The following SUPT5H variants were observed in gnomAD, a reference collection of about 807,000 sequenced individuals.
SUPT5H encodes SPT5 homolog, DSIF elongation factor subunit.
In SUPT5H, 24 loss-of-function variants were observed where a neutral mutation model predicts 142.5. That is an observed-to-expected ratio of 0.17 (90% confidence interval 0.12 to 0.24). The LOEUF (loss-of-function observed/expected upper bound fraction) is 0.24, where lower values mean the gene tolerates loss of function less well. Among genes scored for constraint, SUPT5H ranks in the 10% least tolerant of loss-of-function variants. The pLI, the probability that SUPT5H is intolerant of heterozygous loss-of-function variation, is 1.00. For synonymous variants in SUPT5H, 546 were observed against 553.0 expected, an observed-to-expected ratio of 0.99 and a Z score of 0.18; for missense variants, 893 against 1,471.8, an observed-to-expected ratio of 0.61 and a Z score of 6.43.
chr19:39,472,707 A>C lies in SUPT5H; in HGVS notation c.2036-103A>C, dbSNP rs1270729894. 6.7e-7 allele frequency: 1 copy of C among 1,492,720 alleles called. No homozygotes were observed. Among genetic ancestry groups the C allele is most frequent in the Non-Finnish European group, 9.0e-7 (1 of 1,116,564 alleles). The allele number at this position is 1,492,720 out of a possible 1,614,324, so 92.5% of individuals were successfully genotyped here. ...GCAGGGGTGGGCAGAGGAGGCTCTT[A>C]ACCCAAGTAGGGAGGAGTCAAGCAA... is the stretch of plus-strand genomic sequence containing the variant. On this transcript the variant is annotated intron_variant, in intron 21 of 29. Coordinates refer to ENST00000432763, the MANE Select transcript of SUPT5H (RefSeq NM_001111020.3). The surrounding 1 kb of genome is among the most constrained non-coding windows in gnomAD (Gnocchi z 4.2).
At position 39,473,605 on chromosome 19, in the gene SUPT5H, G is replaced by T; in HGVS notation, c.2492+84G>T. On this transcript the variant is annotated intron_variant, in intron 25 of 29. Coordinates refer to ENST00000432763, the MANE Select transcript of SUPT5H (RefSeq NM_001111020.3). This position sits in a 1 kb window ranked among gnomAD's most constrained non-coding sequence, Gnocchi z 5.8. The stretch of plus-strand genomic sequence containing the variant: ...GGTGTCTGGGGCATTGGAGGGGTTT[G>T]TGGGGCCCACCCAGCATTCTCTGCT... 1 of 1,439,158 alleles carries T rather than the reference G, an allele frequency of 6.9e-7. No homozygotes were observed. The highest frequency in any genetic ancestry group is 2.0e-5 in the Admixed American group (1 of 50,654). The allele number at this position is 1,439,158 out of a possible 1,614,324, so 89.1% of individuals were successfully genotyped here. A position where few individuals can be genotyped will look rare whatever the true frequency, so the allele number is the denominator to read the frequency against.
chr19:39,448,279 G>C (rs1030224978), intron 2 of SUPT5H, among the ~76,000 whole-genome samples: 1 of 152,180 alleles, frequency 6.6e-6, no homozygotes, highest in South Asian at 2.1e-4. Context: ...GTGGACATTT[G>C]ATTGCCAATC....
rs745559052 is a variant in SUPT5H at position 39,472,860 on chromosome 19, A to C, written c.2086A>C (p.Arg696=). ...AGGTGGCGGCAGTGGTGGCATGAGC[A>C]GGGGCCGGGGCCGGAGGGACAACGA... ...SPGGGSGGMS[R]GRGRRDNELI... The change falls in exon 22 of 30, where the codon AGG becomes CGG. Residue 696 remains arginine, a synonymous_variant. Coordinates refer to ENST00000432763, the MANE Select transcript of SUPT5H (RefSeq NM_001111020.3). The surrounding 1 kb of genome is among the most constrained non-coding windows in gnomAD (Gnocchi z 4.2). 1.2e-6 allele frequency: 2 copies of C among 1,613,774 alleles called. No homozygotes were observed. Among genetic ancestry groups the C allele is most frequent in the East Asian group, 2.2e-5 (1 of 44,882 alleles).
intron 13 of SUPT5H, chr19:39,468,135 C>T (rs964549078): frequency 9.8e-5 from 15 of 153,010 alleles, no homozygotes; most frequent in African/African-American, 3.4e-4. Context: ...AAGCGGCCGC[C>T]ACTCCACATT....
At chr19:39,467,295 A>G (rs2079254253) in intron 13 of SUPT5H, among the ~76,000 whole-genome samples, 1 of 152,134 alleles carries the variant, frequency 6.6e-6, no homozygotes, top group Non-Finnish European at 1.5e-5. Context: ...AGGCAGGAGA[A>G]TCGCTTAAAC....
chr19:39,468,418 T>C, intron 13 of SUPT5H: 1 of 338,234 alleles, frequency 3.0e-6, no homozygotes, highest in Non-Finnish European at 5.6e-6. Flanking sequence ...ATACTTTCTG[T>C]GTACTGGGCA....
chr19:39,456,297 A>G (rs2146087965), intron 3 of SUPT5H, among the ~76,000 whole-genome samples: 1 of 148,394 alleles, frequency 6.7e-6, no homozygotes, highest in South Asian at 2.1e-4. Flanking sequence ...TGGCATGATC[A>G]TGGCTCACTG....
chr19:39,453,298 T>C, intron 2 of SUPT5H, 58 bp from the exon 3 acceptor site: 1 of 1,522,666 alleles, frequency 6.6e-7, no homozygotes, highest in Non-Finnish European at 8.8e-7. Context: ...AGGAACTTGG[T>C]TTTTGGATTT....
Position 39,464,907 on chromosome 19 carries a change from TG to T in SUPT5H, c.735del (p.Arg246GlyfsTer15), listed in dbSNP as rs781670004. Reference sequence around the variant, plus strand: ...CAGGCCATTGAGGGGGTGGGCAACCTGCGGCTTGGCTACTGGAACCAGCAGA... The same window carrying T: ...CAGGCCATTGAGGGGGTGGGCAACCTCGGCTTGGCTACTGGAACCAGCAGA... ...VKQAIEGVGN[L>X]RLGYWNQQMV... On this transcript the variant is annotated frameshift_variant, in exon 11 of 30. Transcript: ENST00000432763. LOFTEE classifies it high-confidence loss of function. 1 of 1,614,074 alleles carries T rather than the reference TG, an allele frequency of 6.2e-7. No individual in the cohort carries two copies. The highest frequency in any genetic ancestry group is 1.1e-5 in the South Asian group (1 of 91,088).
intron 28 of SUPT5H, chr19:39,475,051 T>G: frequency 2.6e-6 from 1 of 380,384 alleles, no homozygotes; most frequent in Non-Finnish European, 4.9e-6. Context: ...CTGGGCACAT[T>G]CCAGGAGCTG....
At position 39,474,611 on chromosome 19, in the gene SUPT5H, G is replaced by A; in HGVS notation, c.2917G>A (p.Glu973Lys). The change falls in exon 28 of 30, where the codon GAG becomes AAG. Residue 973 changes from glutamate to lysine, a missense_variant. Glu to Lys is a moderately conservative substitution (Grantham distance 56). This residue lies in a region of SUPT5H where 336 missense variants were observed against 546.5 expected (regional missense o/e 0.61). Coordinates refer to ENST00000432763, the MANE Select transcript of SUPT5H (RefSeq NM_001111020.3). This position sits in a 1 kb window ranked among gnomAD's most constrained non-coding sequence, Gnocchi z 6.5. Reference protein sequence around the residue: ...YNPHTPGSGIEQNSSDWVTTD... With the variant: ...YNPHTPGSGIKQNSSDWVTTD... ...CCCACACACGCCAGGCTCAGGCATCGAGCAGAACTCCAGCGACTGGGTAAC... is the reference window on the plus strand; with the variant it reads ...CCCACACACGCCAGGCTCAGGCATCAAGCAGAACTCCAGCGACTGGGTAAC... 1 of 1,614,228 alleles carries A rather than the reference G, an allele frequency of 6.2e-7. No individual in the cohort carries two copies. The highest frequency in any genetic ancestry group is 8.5e-7 in the Non-Finnish European group (1 of 1,180,042).
intron 2 of SUPT5H, among the ~76,000 whole-genome samples, chr19:39,451,557 T>G (rs8107647): frequency 6.6e-6 from 1 of 151,594 alleles, no homozygotes; most frequent in Non-Finnish European, 1.5e-5. Flanking sequence ...TTTTTGACAG[T>G]GTCTTGGTCC....
Position 39,445,962 on chromosome 19 carries a change from C to G in SUPT5H, c.72C>G (p.Ala24=). 6.2e-7 allele frequency: 1 copy of G among 1,612,480 alleles called. No homozygotes were observed. Among genetic ancestry groups the G allele is most frequent in the Non-Finnish European group, 8.5e-7 (1 of 1,179,872 alleles). Residue 24 remains alanine, a synonymous_variant, in exon 2 of 30, where the codon GCC becomes GCG. Transcript: ENST00000432763. The part of the protein sequence containing the change: ...DSERSSDGEE[A]EVDEERRSAA... Reference sequence around the variant, plus strand: ...AGCGCAGCAGTGACGGCGAGGAGGCCGAGGTCTGTGGCTGGGGCGCTGGGG... The same window carrying G: ...AGCGCAGCAGTGACGGCGAGGAGGCGGAGGTCTGTGGCTGGGGCGCTGGGG...
chr19:39,455,710 C>T (rs796292655), intron 3 of SUPT5H, among the ~76,000 whole-genome samples: 12 of 151,166 alleles, frequency 7.9e-5, no homozygotes, highest in African/African-American at 2.9e-4. Flanking sequence ...GCAACCTCCA[C>T]CTTCTGGTTT....
At chr19:39,465,074 G>A (rs2079217272) in intron 11 of SUPT5H, 25 bp downstream of exon 11, 1 of 1,600,412 alleles carries the variant, frequency 6.2e-7, no homozygotes, top group African/African-American at 1.3e-5. Context: ...GTGGCATGGG[G>A]GTCAGGGTCC....
In SUPT5H at chr19:39,469,212, G is replaced by T; in HGVS notation, c.1237+40G>T. 1 of 1,614,194 alleles carries T rather than the reference G, an allele frequency of 6.2e-7. No homozygotes were observed. Among genetic ancestry groups the T allele is most frequent in the South Asian group, 1.1e-5 (1 of 91,082 alleles). ...TCTATAACCTGGGCCAAGGAGCAGG[G>T]GCGGCCCATGGTGGCAACCCCCGAG... On this transcript the variant is annotated intron_variant, in intron 15 of 29. Coordinates refer to ENST00000432763, the MANE Select transcript of SUPT5H (RefSeq NM_001111020.3). The surrounding 1 kb of genome is among the most constrained non-coding windows in gnomAD (Gnocchi z 5.1).
At chr19:39,451,916 C>T (rs1159320390) in intron 2 of SUPT5H, among the ~76,000 whole-genome samples, 2 of 152,092 alleles carry the variant, frequency 1.3e-5, no homozygotes, top group African/African-American at 4.8e-5. Flanking sequence ...TCGTGAAGTT[C>T]ATGAGTTAAA....
At chr19:39,468,587 C>CCTTT in intron 13 of SUPT5H, 169 bp from the exon 14 acceptor site, 1 of 616,666 alleles carries the variant, frequency 1.6e-6, no homozygotes, top group Non-Finnish European at 2.9e-6. Context: ...GGGAGGCGGG[C>CCTTT]CTTTGGGGTT....
Position 39,457,751 on chromosome 19 carries a change from G to A in SUPT5H, c.307+11G>A. ...ACATTCTAGAGAAAGGTGTGTGTGA[G>A]CCCTGCCTCCACAAGACTACTGGGA... On this transcript the variant is annotated intron_variant, in intron 4 of 29. Coordinates refer to ENST00000432763, the MANE Select transcript of SUPT5H (RefSeq NM_001111020.3). The A allele has an allele frequency of 6.2e-7, 1 of 1,614,122 alleles. No individual in the cohort carries two copies.
Sources: allele counts gnomAD v4.1 joint callset (sites outside exome capture counted in the v4.1 genomes callset), GRCh38; gene constraint gnomAD v4.1.1; regional missense constraint gnomAD v4.1.1; non-coding constraint Gnocchi (gnomAD v3.1); transcripts MANE v1.5; gene names NCBI Gene and HGNC (gene_info 2026-07-23, HGNC 2026-07-21).